IPCEF1: variants seen among roughly 807,000 people sequenced by gnomAD.
IPCEF1 encodes interactor protein for cytohesin exchange factors 1.
A neutral mutation model predicts 50.9 loss-of-function variants in IPCEF1; 31 were observed. The observed-to-expected ratio is 0.61, with a 90% CI of 0.46 to 0.82. IPCEF1 has a LOEUF of 0.82. Among genes scored for constraint, IPCEF1 ranks in the 40% least tolerant of loss-of-function variants. The pLI, the probability that IPCEF1 is intolerant of heterozygous loss-of-function variation, is 0.00. For synonymous variants in IPCEF1, 181 were observed against 192.0 expected, an observed-to-expected ratio of 0.94 and a Z score of 0.47; for missense variants, 458 against 514.0, an observed-to-expected ratio of 0.89 and a Z score of 1.05.
Position 154,168,612 on chromosome 6 carries a change from TTA to T in IPCEF1, c.911-501_911-500del, listed in dbSNP as rs1474483837. 1.3e-5 allele frequency among the ~76,000 whole-genome samples: 2 copies of T among 152,056 alleles called. No homozygotes were observed. The highest frequency in any genetic ancestry group is 4.8e-5 in the African/African-American group (2 of 41,382). On this transcript the variant is annotated intron_variant, in intron 10 of 11. Transcript: ENST00000367220. The surrounding 1 kb of genome is among the most constrained non-coding windows in gnomAD (Gnocchi z 4.1). ...ATTAATTAATTAATTAATTTTATTATTATTTTTTTTGAGACGGAGTTTTACTG... is the reference window on the plus strand; with the variant it reads ...ATTAATTAATTAATTAATTTTATTATTTTTTTTTGAGACGGAGTTTTACTG...
intron 3 of IPCEF1, among the ~76,000 whole-genome samples, chr6:154,254,789 T>A (rs1361184634): frequency 6.6e-6 from 1 of 152,164 alleles, no homozygotes; most frequent in African/African-American, 2.4e-5. Context: ...ACATTTTGAT[T>A]TTTTTTAATA....
chr6:154,213,731 C>A (rs2128607225), intron 8 of IPCEF1, among the ~76,000 whole-genome samples: 1 of 152,248 alleles, frequency 6.6e-6, no homozygotes, highest in East Asian at 1.9e-4. Context: ...AGCTTTTGAA[C>A]CCTGAAAGCT....
At chr6:154,241,591 G>A (rs1383665929) in intron 5 of IPCEF1, among the ~76,000 whole-genome samples, 3 of 151,854 alleles carry the variant, frequency 2.0e-5, no homozygotes, top group Non-Finnish European at 2.9e-5. Context: ...ATATCCAAGC[G>A]TTCTTCATAC....
At chr6:154,317,106 A>G (rs933705048) in intron 1 of IPCEF1, among the ~76,000 whole-genome samples, 3 of 152,182 alleles carry the variant, frequency 2.0e-5, no homozygotes, top group Non-Finnish European at 4.4e-5. Context: ...AAAAGAAAAA[A>G]ATTCTAATCA....
chr6:154,210,046 T>C (rs1458610431), intron 9 of IPCEF1, among the ~76,000 whole-genome samples: 1 of 152,224 alleles, frequency 6.6e-6, no homozygotes, highest in Non-Finnish European at 1.5e-5. Flanking sequence ...AAGTATTCCC[T>C]GAACTTCTAT....
chr6:154,327,567 AC>A (rs1454440402), intron 1 of IPCEF1, among the ~76,000 whole-genome samples: 8 of 152,312 alleles, frequency 5.3e-5, no homozygotes, highest in South Asian at 4.1e-4. Context: ...AGGCAAAAAA[AC>A]AACACATATT....
chr6:154,250,907 A>C (rs894641900), intron 3 of IPCEF1, among the ~76,000 whole-genome samples: 1 of 152,184 alleles, frequency 6.6e-6, no homozygotes, highest in African/African-American at 2.4e-5. Flanking sequence ...ACAGTTTCAA[A>C]TTACCAATAT....
intron 2 of IPCEF1, among the ~76,000 whole-genome samples, chr6:154,278,960 C>CAA (rs1381623158): frequency 0.014 from 765 of 55,954 alleles, 19 homozygotes; most frequent in African/African-American, 0.048. Flanking sequence ...ACCAAAAATA[C>CAA]AAAAAAAAAA....
intron 2 of IPCEF1, among the ~76,000 whole-genome samples, chr6:154,283,421 C>T (rs1490631647): frequency 6.6e-6 from 1 of 151,258 alleles, no homozygotes; most frequent in African/African-American, 2.4e-5. Flanking sequence ...ATGGTGAAAC[C>T]CCATCTCTAC....
rs986982156 is a variant in IPCEF1 at position 154,317,872 on chromosome 6, C to T, written c.-61-28116G>A. Among the ~76,000 whole-genome samples the T allele has an allele frequency of 4.3e-4, 66 of 152,034 alleles. 1 individual carries two copies. Among genetic ancestry groups the T allele is most frequent in the Admixed American group, 3.9e-3 (60 of 15,266 alleles). Reference sequence around the variant, plus strand: ...GAAGAGAAAGAAAAACATGTATCCACGCAAAGATTTGTCTATGAATATTCA... The same window carrying T: ...GAAGAGAAAGAAAAACATGTATCCATGCAAAGATTTGTCTATGAATATTCA... On this transcript the variant is annotated intron_variant, in intron 1 of 11. Transcript: ENST00000367220.
intron 1 of IPCEF1, among the ~76,000 whole-genome samples, chr6:154,328,115 TG>T (rs1783567059): frequency 6.6e-6 from 1 of 152,136 alleles, no homozygotes; most frequent in South Asian, 2.1e-4. Context: ...TAATGGATGC[TG>T]GGCTGAATAC....
chr6:154,331,061 G>A (rs1783647734), intron 1 of IPCEF1, among the ~76,000 whole-genome samples: 1 of 152,032 alleles, frequency 6.6e-6, no homozygotes, highest in Admixed American at 6.6e-5. Flanking sequence ...GAGATCAGGA[G>A]TTTGAGACCA....
intron 1 of IPCEF1, among the ~76,000 whole-genome samples, chr6:154,291,050 C>T (rs1276885464): frequency 7.9e-5 from 12 of 152,046 alleles, no homozygotes; most frequent in Non-Finnish European, 5.9e-5. Context: ...CCTGCCACCA[C>T]GCCTGGCTAA....
intron 2 of IPCEF1, among the ~76,000 whole-genome samples, chr6:154,282,340 T>G (rs1021112118): frequency 6.6e-6 from 1 of 152,036 alleles, no homozygotes; most frequent in African/African-American, 2.4e-5. Context: ...GAGATTACAA[T>G]GTCATCTCTT....
At chr6:154,289,508 C>T (rs1049668743) in intron 2 of IPCEF1, among the ~76,000 whole-genome samples, 5 of 151,488 alleles carry the variant, frequency 3.3e-5, no homozygotes, top group Non-Finnish European at 5.9e-5. Context: ...TTAATTCTCC[C>T]ACTGAAAAAT....
At chr6:154,228,304 TAA>T (rs11303578) in intron 5 of IPCEF1, among the ~76,000 whole-genome samples, 6,227 of 146,966 alleles carry the variant, frequency 0.042, 258 homozygotes, top group East Asian at 0.18. Flanking sequence ...TGTCTCTGTT[TAA>T]AAAAAAAAAA....
intron 5 of IPCEF1, among the ~76,000 whole-genome samples, chr6:154,245,023 G>T (rs192864357): frequency 6.6e-6 from 1 of 152,182 alleles, no homozygotes; most frequent in Non-Finnish European, 1.5e-5. Context: ...ACAAGAAAGA[G>T]ACATTTATAT....
chr6:154,282,839 C>A (rs1247355841), intron 2 of IPCEF1, among the ~76,000 whole-genome samples: 3 of 152,144 alleles, frequency 2.0e-5, no homozygotes, highest in Non-Finnish European at 1.5e-5. Context: ...GGGTGTCAGC[C>A]ATGAACGCTC....
At chr6:154,329,419 G>A (rs775296378) in intron 1 of IPCEF1, among the ~76,000 whole-genome samples, 8 of 151,908 alleles carry the variant, frequency 5.3e-5, no homozygotes, top group Non-Finnish European at 1.2e-4. Context: ...AACAAAGTGA[G>A]ACTCTGCCTC....
Sources: allele counts gnomAD v4.1 joint callset (sites outside exome capture counted in the v4.1 genomes callset), GRCh38; gene constraint gnomAD v4.1.1; non-coding constraint Gnocchi (gnomAD v3.1); transcripts MANE v1.5; gene names NCBI Gene and HGNC (gene_info 2026-07-23, HGNC 2026-07-21).